The following DCP2 variants were observed in gnomAD, a reference collection of about 807,000 sequenced individuals.
DCP2 encodes the protein m7GpppN-mRNA hydrolase.
Under a neutral mutation model 56.1 loss-of-function variants are expected in DCP2, and 30 were observed. The observed-to-expected ratio is 0.53, with a 90% confidence interval of 0.40 to 0.73. The LOEUF (loss-of-function observed/expected upper bound fraction) is 0.73. DCP2 is among the 30% of genes least tolerant of loss of function. The probability of loss-of-function intolerance (pLI) is 0.00; values close to 1 mark genes in which losing one functional copy is unlikely to be tolerated. For synonymous variants in DCP2, 197 were observed against 163.3 expected, an observed-to-expected ratio of 1.21 and a Z score of -1.57; for missense variants, 533 against 502.7, an observed-to-expected ratio of 1.06 and a Z score of -0.58.
chr5:113,008,920 T>G (rs1389195101), intron 9 of DCP2, among the ~76,000 whole-genome samples: 2 of 152,070 alleles, frequency 1.3e-5, no homozygotes, highest in Non-Finnish European at 2.9e-5. Context: ...CTCGGCTCAC[T>G]GCAACCTCCA....
At position 113,016,405 on chromosome 5, in the gene DCP2, A is replaced by G. The variant is rs1353123392; in HGVS notation, c.*2921A>G. The stretch of plus-strand genomic sequence containing the variant: ...AAGGAAAGTCTCCCAGTGCTGTCAA[A>G]GGAATTGTGGTTACTACTTGCTGTT... On this transcript the variant is annotated 3_prime_UTR_variant, in exon 11 of 11. Transcript: ENST00000389063. The G allele has an allele frequency of 6.6e-6, 1 of 152,340 alleles. No homozygotes were observed. Among genetic ancestry groups the G allele is most frequent in the Non-Finnish European group, 1.5e-5 (1 of 68,046 alleles). The allele number at this position is 152,340 out of a possible 1,614,324, so 9.4% of individuals were successfully genotyped here. A position where few individuals can be genotyped will look rare whatever the true frequency, so the allele number is the denominator to read the frequency against.
intron 10 of DCP2, among the ~76,000 whole-genome samples, chr5:113,013,086 C>A (rs1197289744): frequency 6.6e-6 from 1 of 152,102 alleles, no homozygotes; most frequent in Non-Finnish European, 1.5e-5. Flanking sequence ...TGTCAAGGGT[C>A]TTAATGGCTG....
In DCP2 at chr5:113,001,199, A is replaced by T. The variant is rs1749160335; in HGVS notation, c.548A>T (p.Asp183Val). The change falls in exon 5 of 11, where the codon GAC (aspartate) becomes GTC (valine). Residue 183 changes from aspartate (D) to valine (V), a missense_variant. This residue lies in a region of DCP2 where 392 missense variants were observed against 346.6 expected (regional missense o/e 1.13). Coordinates refer to ENST00000389063, the MANE Select transcript of DCP2 (RefSeq NM_152624.6). ...RLYIIPGIPK[D>V]TKFNPKTRRE... ...TACATCATTCCAGGAATTCCAAAAGACACAAAATTTAACCCAAAAACTAGA... is the reference window on the plus strand; with the variant it reads ...TACATCATTCCAGGAATTCCAAAAGTCACAAAATTTAACCCAAAAACTAGA... 1 of 1,613,608 alleles carries T rather than the reference A, an allele frequency of 6.2e-7. No individual in the cohort carries two copies. The highest frequency in any genetic ancestry group is 1.1e-5 in the South Asian group (1 of 90,880).
At chr5:112,990,441 T>A (rs1401219178) in intron 2 of DCP2, among the ~76,000 whole-genome samples, 3 of 152,216 alleles carry the variant, frequency 2.0e-5, no homozygotes, top group Non-Finnish European at 4.4e-5. Context: ...GGGATTTTAC[T>A]AAACATGTAA....
At chr5:112,983,557 C>T (rs928457210) in intron 1 of DCP2, among the ~76,000 whole-genome samples, 4 of 152,092 alleles carry the variant, frequency 2.6e-5, no homozygotes, top group Non-Finnish European at 4.4e-5. Context: ...GATTGACTTA[C>T]GAGACCTTTC....
intron 4 of DCP2, among the ~76,000 whole-genome samples, chr5:112,997,719 A>AT (rs1748931615): frequency 6.6e-6 from 1 of 151,226 alleles, no homozygotes; most frequent in Non-Finnish European, 1.5e-5. Flanking sequence ...GGTTCAAGTG[A>AT]TTCTCCTGTC....
chr5:112,977,821 G>A (rs1014426814), intron 1 of DCP2, among the ~76,000 whole-genome samples: 10 of 152,126 alleles, frequency 6.6e-5, no homozygotes, highest in Non-Finnish European at 1.3e-4. Context: ...TGTGGATTGT[G>A]ATTACAAGTG....
intron 1 of DCP2, chr5:112,984,703 A>AAAAAAATATATAT: frequency 1.9e-4 from 12 of 64,856 alleles, no homozygotes; most frequent in African/African-American, 9.5e-4. Flanking sequence ...AAAAAAAAAA[A>AAAAAAATATATAT]ATATATATAT....
chr5:112,988,783 A>G (rs529656368), intron 2 of DCP2, among the ~76,000 whole-genome samples: 7 of 152,334 alleles, frequency 4.6e-5, no homozygotes, highest in Non-Finnish European at 7.3e-5. Context: ...AGGAGTTACA[A>G]TCTAGTTAAG....
chr5:113,007,613 G>A (rs1749499877), intron 8 of DCP2, among the ~76,000 whole-genome samples: 1 of 151,896 alleles, frequency 6.6e-6, no homozygotes, highest in African/African-American at 2.4e-5. Context: ...TGTTAGCCAG[G>A]ATGGTCTCAT....
In DCP2 at chr5:112,992,781, C is replaced by T. The variant is rs1748651944; in HGVS notation, c.432+11C>T. The T allele has an allele frequency of 1.9e-6, 3 of 1,553,146 alleles. No individual in the cohort carries two copies. The highest frequency in any genetic ancestry group is 1.2e-5 in the South Asian group (1 of 80,474). On this transcript the variant is annotated intron_variant, in intron 4 of 10. Coordinates refer to ENST00000389063, the MANE Select transcript of DCP2 (RefSeq NM_152624.6). ...TGTGCTGCTAGAGAGGTAAGTTATT[C>T]CATTTTGATACACAGTAAATTTGGC...
At position 112,989,428 on chromosome 5, in the gene DCP2, CAA is replaced by C. The variant is rs374024550; in HGVS notation, c.206-2681_206-2680del. 1.6e-3 allele frequency among the ~76,000 whole-genome samples: 213 copies of C among 134,992 alleles called. 1 individual carries two copies. Among genetic ancestry groups the C allele is most frequent in the African/African-American group, 5.4e-3 (200 of 37,088 alleles). The allele number at this position is 134,992 out of a possible 152,430, so 88.6% of individuals were successfully genotyped here. A position where few individuals can be genotyped will look rare whatever the true frequency, so the allele number is the denominator to read the frequency against. ...ATGTAATAAATGTTAACTATTACTC[CAA>C]AAAAAAAAAAAGATTTGGGAGCTAA... On this transcript the variant is annotated intron_variant, in intron 2 of 10. Transcript: ENST00000389063.
intron 1 of DCP2, chr5:112,984,720 A>ATATG (rs1554098992): frequency 1.1e-4 from 15 of 132,632 alleles, no homozygotes; most frequent in African/African-American, 4.2e-4. Context: ...ATATATATAT[A>ATATG]TATATTTGAG....
intron 9 of DCP2, among the ~76,000 whole-genome samples, chr5:113,010,034 C>CTT (rs532353785): frequency 0.018 from 2,294 of 127,558 alleles, 94 homozygotes; most frequent in African/African-American, 0.063. Context: ...TGCCTCAGCT[C>CTT]TTTTTTTTTT....
intron 1 of DCP2, among the ~76,000 whole-genome samples, chr5:112,979,106 T>C (rs1417045787): frequency 6.7e-6 from 1 of 148,722 alleles, no homozygotes; most frequent in Non-Finnish European, 1.5e-5. Context: ...GTGTTAAAGA[T>C]AGTTGGTTTT....
chr5:112,983,553 C>G (rs981263282), intron 1 of DCP2, among the ~76,000 whole-genome samples: 1 of 152,162 alleles, frequency 6.6e-6, no homozygotes, highest in Admixed American at 6.5e-5. Context: ...GTAGGATTGA[C>G]TTACGAGACC....
Position 113,001,195 on chromosome 5 carries a change from A to G in DCP2, c.544A>G (p.Lys182Glu). 6.2e-7 allele frequency: 1 copy of G among 1,613,746 alleles called. No homozygotes were observed. ...TTTGTACATCATTCCAGGAATTCCA[A>G]AAGACACAAAATTTAACCCAAAAAC... ...ARLYIIPGIP[K>E]DTKFNPKTRR... Residue 182 changes from lysine to glutamate, a missense_variant, in exon 5 of 11, where the codon AAA becomes GAA. Physicochemically the swap from Lys to Glu is moderately conservative, Grantham distance 56. Transcript: ENST00000389063.
rs868538914 is a variant in DCP2 at position 113,019,332 on chromosome 5, A to G, written c.*5848A>G. 9 of 152,370 alleles carry G rather than the reference A, an allele frequency of 5.9e-5. No individual in the cohort carries two copies. The highest frequency in any genetic ancestry group is 2.1e-4 in the South Asian group (1 of 4,834). The allele number at this position is 152,370 out of a possible 1,614,324, so 9.4% of individuals were successfully genotyped here. A position where few individuals can be genotyped will look rare whatever the true frequency, so the allele number is the denominator to read the frequency against. On this transcript the variant is annotated 3_prime_UTR_variant, in exon 11 of 11. Transcript: ENST00000389063. ...AGATGGGTTAGTGCTTTTGGAATAT[A>G]TAACAGTAGACTTGTATTCTTTATG...
At chr5:112,981,775 TG>T (rs1171644542) in intron 1 of DCP2, among the ~76,000 whole-genome samples, 5 of 152,190 alleles carry the variant, frequency 3.3e-5, no homozygotes, top group Non-Finnish European at 5.9e-5. Context: ...CTAGCCTTTT[TG>T]TTTGTTTGTT....
Sources: allele counts gnomAD v4.1 joint callset (sites outside exome capture counted in the v4.1 genomes callset), GRCh38; gene constraint gnomAD v4.1.1; regional missense constraint gnomAD v4.1.1; transcripts MANE v1.5; gene names NCBI Gene and HGNC (gene_info 2026-07-23, HGNC 2026-07-21).